The following KCNMA1 variants were observed in gnomAD, a reference collection of about 807,000 sequenced individuals.
KCNMA1 encodes Calcium-activated potassium channel subunit alpha-1.
A neutral mutation model predicts 140.0 loss-of-function variants in KCNMA1; 29 were observed. That is an observed-to-expected ratio of 0.21 (90% CI 0.15 to 0.28). The LOEUF is 0.28. Among genes scored for constraint, KCNMA1 ranks in the 10% least tolerant of loss-of-function variants. KCNMA1 has a pLI of 1.00. For missense variants in KCNMA1, 880 were observed against 1,602.2 expected (o/e 0.55, Z 7.70); for synonymous variants, 612 against 611.9 (o/e 1.00, Z 0.00).
chr10:76,971,183 C>T (rs1365108976), intron 19 of KCNMA1, among the ~76,000 whole-genome samples: 1 of 152,096 alleles, frequency 6.6e-6, no homozygotes, highest in African/African-American at 2.4e-5. Flanking sequence ...GCAACACAGA[C>T]TAGGAGGAAA....
intron 1 of KCNMA1, among the ~76,000 whole-genome samples, chr10:77,610,871 T>A (rs2086596118): frequency 2.0e-5 from 3 of 152,332 alleles, no homozygotes; most frequent in Admixed American, 6.5e-5. Context: ...GAAGGAATTT[T>A]ATCTCAATTA....
At chr10:77,444,136 G>C (rs1177230720) in intron 1 of KCNMA1, among the ~76,000 whole-genome samples, 1 of 152,164 alleles carries the variant, frequency 6.6e-6, no homozygotes, top group African/African-American at 2.4e-5. Context: ...ATACTGACCT[G>C]TATGCTAAGT....
At chr10:77,468,100 C>G (rs1003094549) in intron 1 of KCNMA1, among the ~76,000 whole-genome samples, 1 of 152,124 alleles carries the variant, frequency 6.6e-6, no homozygotes, top group Non-Finnish European at 1.5e-5. Flanking sequence ...CTCCGCCTCC[C>G]GGGTTCCAGT....
intron 1 of KCNMA1, among the ~76,000 whole-genome samples, chr10:77,412,168 C>G (rs1173284340): frequency 6.6e-6 from 1 of 152,168 alleles, no homozygotes; most frequent in African/African-American, 2.4e-5. Flanking sequence ...CTGCCCAGCA[C>G]CCTGGAACCA....
At chr10:77,097,826 A>G (rs1433488466) in intron 9 of KCNMA1, among the ~76,000 whole-genome samples, 3 of 152,158 alleles carry the variant, frequency 2.0e-5, no homozygotes, top group African/African-American at 7.2e-5. Context: ...GAATAAAGTA[A>G]TCTTCTTCTC....
chr10:76,990,915 C>CT (rs2082562417), intron 19 of KCNMA1, among the ~76,000 whole-genome samples: 1 of 152,184 alleles, frequency 6.6e-6, no homozygotes, highest in Non-Finnish European at 1.5e-5. Context: ...TTGAGCAGAA[C>CT]AAACAGAATA....
At position 76,915,055 on chromosome 10, in the gene KCNMA1, G is replaced by A; in HGVS notation, c.2903-6C>T. 3.7e-6 allele frequency: 6 copies of A among 1,600,860 alleles called. No individual in the cohort carries two copies. Among genetic ancestry groups the A allele is most frequent in the Non-Finnish European group, 5.1e-6 (6 of 1,168,340 alleles). On this transcript the variant is annotated splice_region_variant and splice_polypyrimidine_tract_variant and intron_variant, in intron 23 of 27. Transcript: ENST00000286628. ...CATTCCTGGAGGTGTGAACCCTAGT[G>A]GGAAGGAAACAGAGGAGGAAGAAAA...
intron 3 of KCNMA1, among the ~76,000 whole-genome samples, chr10:77,233,792 C>T (rs1480692435): frequency 6.6e-6 from 1 of 152,160 alleles, no homozygotes; most frequent in Non-Finnish European, 1.5e-5. Flanking sequence ...GCTCAGGGCC[C>T]TTGTCCACTA....
At chr10:76,950,075 A>G (rs983579127) in intron 21 of KCNMA1, among the ~76,000 whole-genome samples, 3 of 152,338 alleles carry the variant, frequency 2.0e-5, no homozygotes, top group South Asian at 4.1e-4. Context: ...ATAAAGTTGT[A>G]TTGGAATGCA....
chr10:77,079,580 G>C (rs201036683), intron 12 of KCNMA1, 30 bp from the exon 13 acceptor site: 2 of 1,465,096 alleles, frequency 1.4e-6, no homozygotes, highest in Non-Finnish European at 1.9e-6. Flanking sequence ...TGCTGAGACA[G>C]GTCTGCCTTA....
chr10:76,951,785 T>A (rs921800854), intron 21 of KCNMA1, among the ~76,000 whole-genome samples: 3 of 152,116 alleles, frequency 2.0e-5, no homozygotes, highest in Non-Finnish European at 4.4e-5. Flanking sequence ...CCTATAAATA[T>A]CTGAAATGTT....
rs1417282734 is a variant in KCNMA1 at position 77,353,398 on chromosome 10, C to T, written c.540+50464G>A. On this transcript the variant is annotated intron_variant, in intron 2 of 27. Transcript: ENST00000286628. ...TATAAAGCTCTATTTAGATGAATCA[C>T]ATTATTATTAAACAGTTCAATCAAC... Among the ~76,000 whole-genome samples the T allele has an allele frequency of 1.3e-4, 20 of 152,052 alleles. 1 individual carries two copies. The highest frequency in any genetic ancestry group is 1.3e-3 in the Admixed American group (20 of 15,254).
At chr10:77,552,298 C>T (rs2063048679) in intron 1 of KCNMA1, among the ~76,000 whole-genome samples, 1 of 152,166 alleles carries the variant, frequency 6.6e-6, no homozygotes, top group African/African-American at 2.4e-5. Flanking sequence ...TGGAGGATGC[C>T]TGTCTGGTTT....
At chr10:77,452,082 G>C (rs922193039) in intron 1 of KCNMA1, among the ~76,000 whole-genome samples, 2 of 152,188 alleles carry the variant, frequency 1.3e-5, no homozygotes, top group African/African-American at 4.8e-5. Flanking sequence ...AGAGCAAAGT[G>C]CTTTTTAACA....
At chr10:77,094,507 C>G (rs575906600) in intron 9 of KCNMA1, among the ~76,000 whole-genome samples, 32 of 152,164 alleles carry the variant, frequency 2.1e-4, no homozygotes, top group African/African-American at 7.7e-4. Context: ...GTGGATAAAC[C>G]ATCACAGTTT....
intron 1 of KCNMA1, among the ~76,000 whole-genome samples, chr10:77,617,944 G>C (rs1031203105): frequency 9.9e-5 from 15 of 152,206 alleles, no homozygotes; most frequent in African/African-American, 3.6e-4. Flanking sequence ...CAATCTCCTG[G>C]GTGCAGTGCT....
intron 25 of KCNMA1, 131 bp from the exon 26 acceptor site, chr10:76,891,850 T>C: frequency 1.3e-6 from 1 of 753,636 alleles, no homozygotes; most frequent in Non-Finnish European, 2.3e-6. Context: ...TCAAATAATT[T>C]CATGTGGGGA....
intron 2 of KCNMA1, among the ~76,000 whole-genome samples, chr10:77,333,382 G>GAGAA (rs1231574385): frequency 1.8e-4 from 22 of 120,254 alleles, no homozygotes; most frequent in East Asian, 9.0e-4. Flanking sequence ...GAAAGAAAGA[G>GAGAA]AGAAAGAAAG....
At chr10:77,472,568 T>A (rs1261537412) in intron 1 of KCNMA1, among the ~76,000 whole-genome samples, 2 of 152,130 alleles carry the variant, frequency 1.3e-5, no homozygotes, top group Non-Finnish European at 2.9e-5. Flanking sequence ...GAGAGAGAAC[T>A]TTAAAAGGAA....
Sources: gnomAD v4.1 joint callset for allele counts (sites outside exome capture counted in the v4.1 genomes callset) on GRCh38, gnomAD v4.1.1 for gene constraint, MANE v1.5 for transcripts, NCBI Gene and HGNC (gene_info 2026-07-23, HGNC 2026-07-21) for gene names.